ARAP2: variants seen among roughly 807,000 people sequenced by gnomAD.
ARAP2 encodes the protein arf-GAP with Rho-GAP domain, ANK repeat and PH domain-containing protein 2.
In ARAP2, 148 loss-of-function variants were observed where a neutral mutation model predicts 194.5. That is an observed-to-expected ratio of 0.76 (90% CI 0.67 to 0.87). ARAP2 has a LOEUF of 0.87. Ranked by LOEUF, ARAP2 falls within the 40% of genes least tolerant of loss-of-function variation. The probability of loss-of-function intolerance (pLI) is 0.00; values close to 1 mark genes in which losing one functional copy is unlikely to be tolerated. For synonymous variants in ARAP2, 695 were observed against 683.5 expected (o/e 1.02, Z -0.26); for missense variants, 2,128 against 1,989.7 (o/e 1.07, Z -1.32).
intron 5 of ARAP2, among the ~76,000 whole-genome samples, chr4:36,037,803 T>C (rs1320575898): frequency 6.6e-6 from 1 of 152,202 alleles, no homozygotes; most frequent in African/African-American, 2.4e-5. Flanking sequence ...TGCTCTGGAT[T>C]TAAAACCAAT....
At chr4:36,141,558 T>C (rs1728315367) in intron 19 of ARAP2, among the ~76,000 whole-genome samples, 3 of 151,700 alleles carry the variant, frequency 2.0e-5, no homozygotes, top group Middle Eastern at 3.2e-3. Context: ...AGTGACTATA[T>C]ACAGGGGATA....
chr4:36,160,018 G>T, intron 13 of ARAP2: 1 of 903,552 alleles, frequency 1.1e-6, no homozygotes, highest in Non-Finnish European at 1.3e-6. Context: ...AGGAAGAACA[G>T]TGAGAAGGCG....
intron 7 of ARAP2, among the ~76,000 whole-genome samples, chr4:36,188,749 T>C (rs562486960): frequency 1.3e-5 from 2 of 152,286 alleles, no homozygotes; most frequent in South Asian, 2.1e-4. Context: ...GTCCCAGATA[T>C]AACTGATTTG....
intron 25 of ARAP2, among the ~76,000 whole-genome samples, chr4:36,116,818 T>C (rs989045440): frequency 6.6e-6 from 1 of 151,662 alleles, no homozygotes; most frequent in African/African-American, 2.4e-5. Context: ...TATTTAAGCT[T>C]GGGGTATTTT....
At chr4:36,097,583 C>A (rs1715646213) in intron 27 of ARAP2, among the ~76,000 whole-genome samples, 1 of 152,052 alleles carries the variant, frequency 6.6e-6, no homozygotes. Context: ...ACTCCCTTGA[C>A]CTCTTGCTAG....
intron 27 of ARAP2, among the ~76,000 whole-genome samples, chr4:36,102,487 T>C (rs1995901): frequency 0.94 from 143,342 of 152,098 alleles, 67,615 homozygotes; most frequent in African/African-American, 0.98. Context: ...GTTTATTCAA[T>C]ATGTACTTTT....
chr4:36,171,148 G>A (rs763684299), intron 9 of ARAP2, among the ~76,000 whole-genome samples: 13 of 152,170 alleles, frequency 8.5e-5, no homozygotes, highest in South Asian at 2.1e-4. Flanking sequence ...CATCAGTTTC[G>A]TGAGGGTTAA....
At chr4:36,166,799 T>A in intron 10 of ARAP2, 133 bp downstream of exon 10, 1 of 436,528 alleles carries the variant, frequency 2.3e-6, no homozygotes, top group East Asian at 3.5e-5. Flanking sequence ...GGCTAACAAA[T>A]TAGACAATAT....
chr4:36,030,573 T>A (rs940049960), intron 5 of ARAP2, among the ~76,000 whole-genome samples: 6 of 152,132 alleles, frequency 3.9e-5, no homozygotes, highest in African/African-American at 1.4e-4. Context: ...TCATTAAAAA[T>A]CGTCATTCTC....
At chr4:36,202,685 T>C (rs1191699766) in intron 6 of ARAP2, among the ~76,000 whole-genome samples, 1 of 152,206 alleles carries the variant, frequency 6.6e-6, no homozygotes, top group Non-Finnish European at 1.5e-5. Flanking sequence ...TGGAGTCATA[T>C]TATATAAAAT....
At chr4:36,103,652 T>C (rs1717622472) in intron 27 of ARAP2, among the ~76,000 whole-genome samples, 1 of 151,704 alleles carries the variant, frequency 6.6e-6, no homozygotes, top group Non-Finnish European at 1.5e-5. Context: ...GCACAAAATG[T>C]TCCTAAGAAA....
chr4:36,042,683 C>T (rs1433603665), intron 5 of ARAP2, among the ~76,000 whole-genome samples: 1 of 152,074 alleles, frequency 6.6e-6, no homozygotes, highest in Non-Finnish European at 1.5e-5. Flanking sequence ...AAAATGAAAA[C>T]TTTCAAGTAT....
At chr4:36,191,814 T>A (rs950958532) in intron 7 of ARAP2, among the ~76,000 whole-genome samples, 2 of 151,884 alleles carry the variant, frequency 1.3e-5, no homozygotes, top group East Asian at 3.8e-4. Flanking sequence ...TGGGTGAAAA[T>A]GGGGGTGAGT....
chr4:36,094,759 C>T (rs1714724067), intron 27 of ARAP2, among the ~76,000 whole-genome samples: 1 of 152,088 alleles, frequency 6.6e-6, no homozygotes, highest in Non-Finnish European at 1.5e-5. Context: ...ACTGTGCTAG[C>T]CCTTTCCATG....
chr4:36,114,222 A>G lies in ARAP2; in HGVS notation c.4104T>C (p.Pro1368=). The change falls in exon 26 of 33, where the codon CCT becomes CCC. Residue 1368 remains proline (P), a synonymous_variant. Transcript: ENST00000303965. ...ATGTGGCCCAAATATCACCTTTTGT[A>G]GGAATAATATTTTTTATCGCTAATA... ...NDILAIKNII[P]TKGDIWATFE... The G allele has an allele frequency of 6.2e-7, 1 of 1,603,962 alleles. No individual in the cohort carries two copies. Among genetic ancestry groups the G allele is most frequent in the Admixed American group, 1.7e-5 (1 of 59,660 alleles).
intron 15 of ARAP2, among the ~76,000 whole-genome samples, chr4:36,156,332 G>A (rs933989234): frequency 1.1e-4 from 7 of 61,206 alleles, no homozygotes; most frequent in African/African-American, 3.6e-4. Flanking sequence ...AGGGAGGGAG[G>A]GAGGGAAAGA....
At position 36,092,017 on chromosome 4, in the gene ARAP2, C is replaced by T. The variant is rs140811676; in HGVS notation, c.4289G>A (p.Arg1430Gln). ...TTCTTTGATGCTTCCCAGTGTACTC[C>T]GGTCTGTAAAGTACAGCATTACTTT... ...TADTIKHCSD[R>Q]STLGSIKEGI... Residue 1430 changes from arginine (R) to glutamine (Q), a missense_variant, in exon 28 of 33, where the codon CGG becomes CAG. Coordinates refer to ENST00000303965, the MANE Select transcript of ARAP2 (RefSeq NM_015230.4). The T allele has an allele frequency of 1.3e-3, 2,000 of 1,574,868 alleles. 3 individuals are homozygous for T. Among genetic ancestry groups the T allele is most frequent in the Non-Finnish European group, 1.5e-3 (1,678 of 1,152,426 alleles).
chr4:36,229,805 T>C (rs1367792818), intron 1 of ARAP2, among the ~76,000 whole-genome samples, 160 bp from the exon 2 acceptor site: 1 of 152,206 alleles, frequency 6.6e-6, no homozygotes, highest in African/African-American at 2.4e-5. Context: ...AACCAGTTTC[T>C]CAGTATGTGA....
intron 1 of ARAP2, among the ~76,000 whole-genome samples, chr4:36,236,185 A>T (rs949345777): frequency 6.6e-6 from 1 of 151,824 alleles, no homozygotes; most frequent in African/African-American, 2.4e-5. Flanking sequence ...TCTCAAAAAA[A>T]AAAAAAAAAA....
Sources: allele counts gnomAD v4.1 joint callset (sites outside exome capture counted in the v4.1 genomes callset), GRCh38; gene constraint gnomAD v4.1.1; transcripts MANE v1.5; gene names NCBI Gene and HGNC (gene_info 2026-07-23, HGNC 2026-07-21).